Variants in PDE3B observed in about 807,000 individuals in gnomAD.
PDE3B encodes the protein cGMP-inhibited 3',5'-cyclic phosphodiesterase 3B.
Under a neutral mutation model 116.8 loss-of-function variants are expected in PDE3B, and 66 were observed. The ratio of observed to expected loss-of-function variants is 0.56; its 90% CI spans 0.46 to 0.69. The LOEUF (loss-of-function observed/expected upper bound fraction) is 0.69. PDE3B is among the 30% of genes least tolerant of loss of function. PDE3B has a pLI of 0.00. For missense variants in PDE3B, 1,384 were observed against 1,368.1 expected (o/e 1.01, Z -0.18); for synonymous variants, 595 against 533.6 (o/e 1.12, Z -1.59).
At position 14,869,585 on chromosome 11, in the gene PDE3B, A is replaced by G; in HGVS notation, c.3264A>G (p.Lys1088=). Residue 1088 remains lysine (K), a synonymous_variant, in exon 16 of 16, where the codon AAA becomes AAG. Transcript: ENST00000282096. ...AAAAATGTAAAGCTGATGGGAATAA[A>G]CTGCAGGTGGAGAATTCCTCCTTAC... ...EEEKCKADGN[K]LQVENSSLPQ... is the part of the protein sequence containing the mutation. The G allele has an allele frequency of 6.2e-7, 1 of 1,613,994 alleles. No homozygotes were observed. The highest frequency in any genetic ancestry group is 8.5e-7 in the Non-Finnish European group (1 of 1,179,964).
chr11:14,736,063 T>G (rs534166903), intron 1 of PDE3B, among the ~76,000 whole-genome samples: 1 of 151,930 alleles, frequency 6.6e-6, no homozygotes, highest in East Asian at 1.9e-4. Flanking sequence ...TAATCTAGTT[T>G]TACCTGTGCT....
chr11:14,673,520 A>T, intron 1 of PDE3B: 1 of 392,634 alleles, frequency 2.5e-6, no homozygotes, highest in East Asian at 6.0e-5. Context: ...TTTGTACAAG[A>T]GATAGACTAA....
chr11:14,689,542 A>G (rs1225451808), intron 1 of PDE3B, among the ~76,000 whole-genome samples: 1 of 152,146 alleles, frequency 6.6e-6, no homozygotes, highest in Non-Finnish European at 1.5e-5. Flanking sequence ...GTCATAGGTG[A>G]AGCTTGGGAA....
rs1590195004 is a variant in PDE3B, at chr11:14,852,370, T to C, written c.2521-6673T>C. ...CATGCCGGCCTACTCTATGTTTTTA[T>C]TACAGCTTTCATTTTCGTAAAGTAT... On this transcript the variant is annotated intron_variant, in intron 12 of 15. Coordinates refer to ENST00000282096, the MANE Select transcript of PDE3B (RefSeq NM_000922.4). Among the ~76,000 whole-genome samples, 3 of 152,304 alleles carry C rather than the reference T, an allele frequency of 2.0e-5. No individual in the cohort carries two copies. In the South Asian group the frequency reaches 6.2e-4, roughly 32 times the overall value.
At chr11:14,830,137 C>T (rs992493961) in intron 7 of PDE3B, among the ~76,000 whole-genome samples, 1 of 151,954 alleles carries the variant, frequency 6.6e-6, no homozygotes, top group African/African-American at 2.4e-5. Flanking sequence ...TGGGTAATTT[C>T]CCTGTTTAAG....
chr11:14,699,369 A>C (rs1217496495), intron 1 of PDE3B: 1 of 151,896 alleles, frequency 6.6e-6, no homozygotes, highest in Non-Finnish European at 1.5e-5. Context: ...TTTTAAGATG[A>C]ATCTAGTACC....
chr11:14,852,643 A>T lies in PDE3B; in HGVS notation c.2521-6400A>T, dbSNP rs185927407. ...AGAATGGAAAGGAGATGGATTAGAG[A>T]GTTCAGCTGTGAAAATGCATAGCCT... is the stretch of plus-strand genomic sequence containing the variant. On this transcript the variant is annotated intron_variant, in intron 12 of 15. Transcript: ENST00000282096. Among the ~76,000 whole-genome samples the T allele has an allele frequency of 1.4e-3, 212 of 152,336 alleles. 1 individual carries two copies. Among genetic ancestry groups the T allele is most frequent in the Admixed American group, 0.012 (185 of 15,308 alleles).
intron 1 of PDE3B, among the ~76,000 whole-genome samples, chr11:14,687,923 A>G (rs540260703): frequency 6.6e-6 from 1 of 152,252 alleles, no homozygotes; most frequent in African/African-American, 2.4e-5. Flanking sequence ...TAATCAAAAT[A>G]TATACTTTTC....
At chr11:14,751,264 T>G (rs995513310) in intron 1 of PDE3B, among the ~76,000 whole-genome samples, 2 of 152,196 alleles carry the variant, frequency 1.3e-5, no homozygotes, top group African/African-American at 4.8e-5. Flanking sequence ...TTGCACTTGC[T>G]AAGTCTTTCC....
chr11:14,670,876 A>ATT (rs967592201), intron 1 of PDE3B, among the ~76,000 whole-genome samples: 1 of 145,658 alleles, frequency 6.9e-6, no homozygotes, highest in Admixed American at 6.9e-5. Context: ...GATACGTATA[A>ATT]TTTTTTTTTT....
rs535269700 is a variant in PDE3B, at chr11:14,833,704, G to A, written c.2206+871G>A. Among the ~76,000 whole-genome samples, 53 of 152,132 alleles carry A rather than the reference G, an allele frequency of 3.5e-4. No homozygotes were observed. The South Asian group carries it at 0.011, about 31-fold the overall frequency. ...TATTGTCTACAGTTTCCCTCCATGT[G>A]GACACATTTTTGAGAAATTAATTCT... is the stretch of plus-strand genomic sequence containing the variant. On this transcript the variant is annotated intron_variant, in intron 10 of 15. Coordinates refer to ENST00000282096, the MANE Select transcript of PDE3B (RefSeq NM_000922.4).
Position 14,818,320 on chromosome 11 carries a change from T to C in PDE3B, c.1660T>C (p.Ser554Pro). 2 of 1,613,694 alleles carry C rather than the reference T, an allele frequency of 1.2e-6. No homozygotes were observed. Among genetic ancestry groups the C allele is most frequent in the Non-Finnish European group, 1.7e-6 (2 of 1,179,642 alleles). Residue 554 changes from serine to proline, a missense_variant, in exon 6 of 16, where the codon TCT becomes CCT. Transcript: ENST00000282096. ...LNKPSVILQRSLGNAPNTPDF... is the reference protein window; with the variant it reads ...LNKPSVILQRPLGNAPNTPDF... ...TAAGCCAAGCGTTATCTTGCAGAGA[T>C]CTCTGGGCAATGCACCTAATACTCC...
intron 7 of PDE3B, among the ~76,000 whole-genome samples, chr11:14,826,870 A>AG (rs1859709835): frequency 6.6e-6 from 1 of 152,200 alleles, no homozygotes; most frequent in Non-Finnish European, 1.5e-5. Context: ...CAAGAAAAAA[A>AG]CAAAACCTCA....
At chr11:14,821,821 G>A (rs577132073) in intron 7 of PDE3B, among the ~76,000 whole-genome samples, 2 of 152,064 alleles carry the variant, frequency 1.3e-5, no homozygotes, top group Admixed American at 1.3e-4. Flanking sequence ...ATTTTACAGG[G>A]GAGAAAGCTT....
rs537215370 is a variant in PDE3B at position 14,799,710 on chromosome 11, G to A, written c.1416-4234G>A. Among the ~76,000 whole-genome samples, 29 of 139,152 alleles carry A rather than the reference G, an allele frequency of 2.1e-4. No individual in the cohort carries two copies. In the South Asian group the frequency reaches 6.4e-3, roughly 31 times the overall value. 91.3% of individuals were successfully genotyped at this position (139,152 alleles called of 152,430 possible). On this transcript the variant is annotated intron_variant, in intron 4 of 15. Coordinates refer to ENST00000282096, the MANE Select transcript of PDE3B (RefSeq NM_000922.4). ...CCCTTCTTTGTCTCTTTTAATCTTT[G>A]TTGGTTTAAAGTCTGTTTTATCAGA...
chr11:14,782,010 C>T (rs1858020198), intron 2 of PDE3B, among the ~76,000 whole-genome samples: 1 of 152,288 alleles, frequency 6.6e-6, no homozygotes, highest in African/African-American at 2.4e-5. Flanking sequence ...CATTCTTATA[C>T]ACCATTAACA....
the PDE3B span, among the ~76,000 whole-genome samples, chr11:14,898,336 T>G: frequency 6.6e-6 from 1 of 152,140 alleles, no homozygotes; most frequent in African/African-American, 2.4e-5. Flanking sequence ...AAGGGCATAG[T>G]GCTCCTCACC....
At chr11:14,793,880 T>G (rs2133923577) in intron 4 of PDE3B, among the ~76,000 whole-genome samples, 1 of 152,344 alleles carries the variant, frequency 6.6e-6, no homozygotes, top group South Asian at 2.1e-4. Context: ...ATTAGCAAAC[T>G]TGACCCTATT....
chr11:14,835,131 C>T (rs778839684), intron 11 of PDE3B, 36 bp downstream of exon 11: 2 of 1,303,108 alleles, frequency 1.5e-6, no homozygotes, highest in Admixed American at 1.9e-5. Flanking sequence ...TTATTTTGAT[C>T]AGGAATAGTA....
Sources: allele counts gnomAD v4.1 joint callset (sites outside exome capture counted in the v4.1 genomes callset), GRCh38; gene constraint gnomAD v4.1.1; transcripts MANE v1.5; gene names NCBI Gene and HGNC (gene_info 2026-07-23, HGNC 2026-07-21).